The following DNASE1L3 variants were observed in gnomAD, a reference collection of about 807,000 sequenced individuals.
DNASE1L3 encodes deoxyribonuclease gamma.
In DNASE1L3, 27 loss-of-function variants were observed where a neutral mutation model predicts 30.9. That is an observed-to-expected ratio of 0.87 (90% CI 0.64 to 1.20). The LOEUF is 1.20. Ranked by LOEUF, DNASE1L3 falls within the 50% of genes most tolerant of loss-of-function variation. The pLI, the probability that DNASE1L3 is intolerant of heterozygous loss-of-function variation, is 0.00. For synonymous variants in DNASE1L3, 135 were observed against 138.0 expected (o/e 0.98, Z 0.15); for missense variants, 364 against 378.2 (o/e 0.96, Z 0.31).
rs1266198455 is a variant in DNASE1L3, at chr3:58,192,748, GCCCTTGAAGA to G, written c.847_856del (p.Ser283ProfsTer11). On this transcript the variant is annotated frameshift_variant, in exon 8 of 8. Coordinates refer to ENST00000394549, the MANE Select transcript of DNASE1L3 (RefSeq NM_004944.4). LOFTEE classifies it low-confidence loss of function (END_TRUNC). This position sits in a 1 kb window ranked among gnomAD's most constrained non-coding sequence, Gnocchi z 4.8. ...GACAGATTTTTTGCTGTTGGTGAAG[GCCCTTGAAGA>G]CTGTAGTTTAAATTCAACTGGAAAG... The G allele has an allele frequency of 6.2e-7, 1 of 1,614,150 alleles. No homozygotes were observed. Among genetic ancestry groups the G allele is most frequent in the East Asian group, 2.2e-5 (1 of 44,890 alleles).
intron 4 of DNASE1L3, 45 bp downstream of exon 4, chr3:58,204,724 G>A (rs749783808): frequency 7.1e-6 from 11 of 1,553,952 alleles, no homozygotes. Flanking sequence ...CGCATTCATG[G>A]GCCGTTGGGG....
intron 1 of DNASE1L3, 27 bp downstream of exon 1, chr3:58,210,739 G>A (rs1559760380): frequency 6.2e-7 from 1 of 1,613,826 alleles, no homozygotes; most frequent in East Asian, 2.2e-5. Flanking sequence ...GGGTGTCTGG[G>A]ATCCTCCTCC....
chr3:58,210,730 G>A, intron 1 of DNASE1L3, 36 bp downstream of exon 1: 1 of 1,613,496 alleles, frequency 6.2e-7, no homozygotes, highest in Non-Finnish European at 8.5e-7. Flanking sequence ...GGGTGTGAGG[G>A]GTGTCTGGGA....
intron 6 of DNASE1L3, among the ~76,000 whole-genome samples, chr3:58,193,804 G>A (rs1214620212): frequency 6.6e-6 from 1 of 152,214 alleles, no homozygotes; most frequent in East Asian, 1.9e-4. Flanking sequence ...TGATTATGGA[G>A]AAATTCTCAG....
intron 6 of DNASE1L3, among the ~76,000 whole-genome samples, chr3:58,196,587 GAAGTGAAAACGAGT>G (rs2097397593): frequency 6.8e-6 from 1 of 146,804 alleles, no homozygotes; most frequent in Non-Finnish European, 1.5e-5. Flanking sequence ...ACTCCGAGAG[GAAGTGAAAACGAGT>G]GGCCTGGTGG....
chr3:58,201,130 G>A (rs369944916), intron 4 of DNASE1L3, 21 bp from the exon 5 acceptor site: 146 of 1,591,094 alleles, frequency 9.2e-5, no homozygotes, highest in South Asian at 6.2e-4. Context: ...GGAAAGAGGC[G>A]GGGGTCACAC....
At chr3:58,202,751 A>G (rs1377898822) in intron 4 of DNASE1L3, among the ~76,000 whole-genome samples, 1 of 151,712 alleles carries the variant, frequency 6.6e-6, no homozygotes, top group Non-Finnish European at 1.5e-5. Context: ...TACTTGGGAG[A>G]CTGAGGCAGG....
rs778665655 is a variant in DNASE1L3, at chr3:58,201,072, G to C, written c.471C>G (p.Thr157=). ...KDFVIIPLHT[T]PETSVKEIDE... ...CGATCTCCTTAACGGATGTCTCTGG[G>C]GTGGTGTGCAGGGGGATAATCACGA... Residue 157 remains threonine, a synonymous_variant, in exon 5 of 8, where the codon ACC becomes ACG. Transcript: ENST00000394549. 1.2e-6 allele frequency: 2 copies of C among 1,612,630 alleles called. No homozygotes were observed. The highest frequency in any genetic ancestry group is 2.7e-5 in the African/African-American group (2 of 74,906).
chr3:58,208,491 C>T (rs41276481), intron 1 of DNASE1L3, among the ~76,000 whole-genome samples, 185 bp from the exon 2 acceptor site: 8 of 152,246 alleles, frequency 5.3e-5, no homozygotes, highest in South Asian at 4.1e-4. Context: ...TAAAGAGGAG[C>T]GTGAGACTCA....
chr3:58,206,958 C>A (rs998040396), intron 2 of DNASE1L3, among the ~76,000 whole-genome samples: 2 of 152,158 alleles, frequency 1.3e-5, no homozygotes, highest in Admixed American at 1.3e-4. Flanking sequence ...CTACACATGC[C>A]TTCCCTATGA....
Position 58,197,735 on chromosome 3 carries a change from G to A in DNASE1L3, c.704+86C>T, listed in dbSNP as rs534350738. 4.4e-6 allele frequency: 7 copies of A among 1,589,694 alleles called. No homozygotes were observed. The highest frequency in any genetic ancestry group is 1.1e-5 in the South Asian group (1 of 89,186). On this transcript the variant is annotated intron_variant, in intron 6 of 7. Transcript: ENST00000394549. This position sits in a 1 kb window ranked among gnomAD's most constrained non-coding sequence, Gnocchi z 5.3. ...CCCAAAGTGCTAGGACTACTGGCGT[G>A]AGCCACAGTGCCCAGCCACCTTGCG...
At position 58,197,322 on chromosome 3, in the gene DNASE1L3, C is replaced by T. The variant is rs111359679; in HGVS notation, c.704+499G>A. ...ATCTGATAGCGAAGCCAGTGCTTAC[C>T]TCTGCTAAGCTACAGTGCCCAGGGC... On this transcript the variant is annotated intron_variant, in intron 6 of 7. Transcript: ENST00000394549. This position sits in a 1 kb window ranked among gnomAD's most constrained non-coding sequence, Gnocchi z 5.3. Among the ~76,000 whole-genome samples, 2 of 152,218 alleles carry T rather than the reference C, an allele frequency of 1.3e-5. No homozygotes were observed. The highest frequency in any genetic ancestry group is 2.1e-4 in the South Asian group (1 of 4,828).
intron 2 of DNASE1L3, 122 bp from the exon 3 acceptor site, chr3:58,205,682 T>C: frequency 1.3e-6 from 1 of 781,902 alleles, no homozygotes; most frequent in Non-Finnish European, 2.1e-6. Context: ...CCACTGTTCA[T>C]CATAACCTTT....
chr3:58,210,937 G>C lies in DNASE1L3; in HGVS notation c.-31C>G, dbSNP rs1363810053. ...CGCTGCTCTGGCTTCAAGACTCTGT[G>C]AGAAGACAGCAGTGCTTGGAGTGCT... is the stretch of plus-strand genomic sequence containing the variant. On this transcript the variant is annotated 5_prime_UTR_variant, in exon 1 of 8. Coordinates refer to ENST00000394549, the MANE Select transcript of DNASE1L3 (RefSeq NM_004944.4). The C allele has an allele frequency of 6.2e-7, 1 of 1,611,790 alleles. No homozygotes were observed. Among genetic ancestry groups the C allele is most frequent in the Non-Finnish European group, 8.5e-7 (1 of 1,179,354 alleles).
intron 6 of DNASE1L3, among the ~76,000 whole-genome samples, chr3:58,196,477 C>T (rs1046494138): frequency 1.1e-3 from 169 of 149,352 alleles, no homozygotes; most frequent in African/African-American, 3.8e-3. Flanking sequence ...GGCGTGAACC[C>T]GGGAGGCGGA....
chr3:58,204,430 C>T (rs1429710162), intron 4 of DNASE1L3, among the ~76,000 whole-genome samples: 2 of 152,082 alleles, frequency 1.3e-5, no homozygotes, highest in Non-Finnish European at 2.9e-5. Context: ...CATGCGCCAC[C>T]GCACCCAGCC....
At chr3:58,209,504 A>C (rs3772990) in intron 1 of DNASE1L3, among the ~76,000 whole-genome samples, 43,458 of 152,066 alleles carry the variant, frequency 0.29, 6,647 homozygotes, top group East Asian at 0.37. Flanking sequence ...TGGCTAAACA[A>C]CACCATCTAG....
chr3:58,206,505 G>A lies in DNASE1L3; in HGVS notation c.231-945C>T, dbSNP rs2097404005. 2.0e-5 allele frequency among the ~76,000 whole-genome samples: 3 copies of A among 152,136 alleles called. No individual in the cohort carries two copies. The South Asian group carries it at 6.2e-4, about 32-fold the overall frequency. On this transcript the variant is annotated intron_variant, in intron 2 of 7. Coordinates refer to ENST00000394549, the MANE Select transcript of DNASE1L3 (RefSeq NM_004944.4). The stretch of plus-strand genomic sequence containing the variant: ...TTTTGAACATAGCCTGCCAAGTCCT[G>A]AGTTAGCAAACTGCTTGTGGTGACT...
intron 6 of DNASE1L3, among the ~76,000 whole-genome samples, 159 bp from the exon 7 acceptor site, chr3:58,193,598 C>G (rs933055337): frequency 1.3e-5 from 2 of 152,228 alleles, no homozygotes; most frequent in African/African-American, 2.4e-5. Flanking sequence ...CCCCAAAGGA[C>G]AGTGCCTACA....
Sources: gnomAD v4.1 joint callset for allele counts (sites outside exome capture counted in the v4.1 genomes callset) on GRCh38, gnomAD v4.1.1 for gene constraint, Gnocchi (gnomAD v3.1) non-coding constraint, MANE v1.5 for transcripts, NCBI Gene and HGNC (gene_info 2026-07-23, HGNC 2026-07-21) for gene names.